TMC1: variants seen among roughly 807,000 people sequenced by gnomAD.
The protein encoded by TMC1 is transmembrane channel like 1, also known as transmembrane channel-like protein 1.
A neutral mutation model predicts 105.8 loss-of-function variants in TMC1; 84 were observed. The observed-to-expected ratio is 0.79, with a 90% CI of 0.67 to 0.95. The LOEUF is 0.95. TMC1 is among the 40% of genes least tolerant of loss of function. TMC1 has a pLI of 0.00. For synonymous variants in TMC1, 315 were observed against 311.5 expected, an observed-to-expected ratio of 1.01 and a Z score of -0.12; for missense variants, 817 against 914.1, an observed-to-expected ratio of 0.89 and a Z score of 1.37.
chr9:72,544,661 G>T (rs1240044759), intron 1 of TMC1, among the ~76,000 whole-genome samples: 1 of 151,426 alleles, frequency 6.6e-6, no homozygotes, highest in Non-Finnish European at 1.5e-5. Context: ...TGTATTTTTA[G>T]TAGAAATGGG....
chr9:72,788,342 G>T lies in TMC1; in HGVS notation c.888G>T (p.Met296Ile). The T allele has an allele frequency of 6.2e-7, 1 of 1,613,898 alleles. No homozygotes were observed. Among genetic ancestry groups the T allele is most frequent in the South Asian group, 1.1e-5 (1 of 91,028 alleles). Reference sequence around the variant, plus strand: ...GTTAAACTTCCTGTTTTTGCAGAATGACCAAAAACATTGGTGATGATGGAG... The same window carrying T: ...GTTAAACTTCCTGTTTTTGCAGAATTACCAAAAACATTGGTGATGATGGAG... Reference protein sequence around the residue: ...GYSFLVVLKAMTKNIGDDGGG... With the variant: ...GYSFLVVLKAITKNIGDDGGG... The change falls in exon 14 of 24, where the codon ATG becomes ATT. Residue 296 changes from methionine (M) to isoleucine (I), a missense_variant. Coordinates refer to ENST00000297784, the MANE Select transcript of TMC1 (RefSeq NM_138691.3).
chr9:72,721,115 C>G (rs934312466), intron 8 of TMC1, among the ~76,000 whole-genome samples: 1 of 152,132 alleles, frequency 6.6e-6, no homozygotes, highest in Non-Finnish European at 1.5e-5. Context: ...GCCTCATTGA[C>G]GTAAATATTT....
chr9:72,739,141 G>A (rs540445332), intron 8 of TMC1, among the ~76,000 whole-genome samples: 1 of 152,340 alleles, frequency 6.6e-6, no homozygotes, highest in South Asian at 2.1e-4. Flanking sequence ...CGAAGTGCCA[G>A]CATGGTCGGG....
intron 4 of TMC1, among the ~76,000 whole-genome samples, chr9:72,642,785 C>T (rs916482537): frequency 6.6e-6 from 1 of 152,004 alleles, no homozygotes; most frequent in African/African-American, 2.4e-5. Context: ...ATAAATAAAC[C>T]CTTTAAGTTC....
intron 1 of TMC1, among the ~76,000 whole-genome samples, chr9:72,557,674 G>A (rs1306444706): frequency 6.6e-6 from 1 of 152,140 alleles, no homozygotes; most frequent in East Asian, 1.9e-4. Flanking sequence ...TGTGTGTCAG[G>A]GACAGCAGTG....
intron 2 of TMC1, among the ~76,000 whole-genome samples, chr9:72,589,715 T>A (rs1824604871): frequency 6.6e-6 from 1 of 152,218 alleles, no homozygotes; most frequent in South Asian, 2.1e-4. Flanking sequence ...AGGTGTGTTC[T>A]TGTCTTTCTT....
At chr9:72,695,711 A>T (rs1826538975) in intron 7 of TMC1, among the ~76,000 whole-genome samples, 1 of 152,148 alleles carries the variant, frequency 6.6e-6, no homozygotes, top group South Asian at 2.1e-4. Flanking sequence ...CTGAATGAAA[A>T]ATTTGTCAAG....
At chr9:72,561,816 G>A (rs1824055603) in intron 1 of TMC1, among the ~76,000 whole-genome samples, 2 of 152,122 alleles carry the variant, frequency 1.3e-5, no homozygotes, top group South Asian at 2.1e-4. Flanking sequence ...CTGAAAATTT[G>A]GGTCACAGAG....
rs529201360 is a variant in TMC1, at chr9:72,748,718, CTTTT to C, written c.536-3129_536-3126del. 1.6e-3 allele frequency among the ~76,000 whole-genome samples: 249 copies of C among 152,102 alleles called. 2 individuals carry two copies. Among genetic ancestry groups the C allele is most frequent in the African/African-American group, 5.6e-3 (232 of 41,512 alleles). On this transcript the variant is annotated intron_variant, in intron 10 of 23. Coordinates refer to ENST00000297784, the MANE Select transcript of TMC1 (RefSeq NM_138691.3). ...AAGGGATAAAGAGGGAAGATTTCTT[CTTTT>C]TTGTTTTTGTGTTGAGACAGGAAAA...
intron 17 of TMC1, among the ~76,000 whole-genome samples, chr9:72,797,733 G>C (rs551128392): frequency 6.6e-6 from 1 of 152,082 alleles, no homozygotes; most frequent in East Asian, 1.9e-4. Context: ...TGGATTAAAG[G>C]CTTAAATGTA....
At position 72,792,288 on chromosome 9, in the gene TMC1, C is replaced by T. The variant is rs771313896; in HGVS notation, c.1502C>T (p.Pro501Leu). 6.2e-7 allele frequency: 1 copy of T among 1,614,044 alleles called. No homozygotes were observed. Among genetic ancestry groups the T allele is most frequent in the Non-Finnish European group, 8.5e-7 (1 of 1,179,998 alleles). ...TCATTCTCTGAAAATAGCACTGGAC[C>T]ACCCTTTTTTGTTCACCCTGCAGAT... The part of the protein sequence containing the change: ...NASFSENSTG[P>L]PFFVHPADVP... Residue 501 changes from proline (P) to leucine (L), a missense_variant, in exon 17 of 24, where the codon CCA becomes CTA. Physicochemically the swap from Pro to Leu is moderately conservative, Grantham distance 98. Coordinates refer to ENST00000297784, the MANE Select transcript of TMC1 (RefSeq NM_138691.3).
intron 2 of TMC1, among the ~76,000 whole-genome samples, chr9:72,605,434 A>AC (rs1290547711): frequency 6.6e-6 from 1 of 152,072 alleles, no homozygotes; most frequent in Non-Finnish European, 1.5e-5. Flanking sequence ...GAAGTCCAAG[A>AC]CCAAGGTTTC....
At chr9:72,759,563 C>T (rs1457591320) in intron 12 of TMC1, among the ~76,000 whole-genome samples, 3 of 152,180 alleles carry the variant, frequency 2.0e-5, no homozygotes, top group Non-Finnish European at 2.9e-5. Flanking sequence ...CTCCAAGTTC[C>T]GTGGATGGCA....
At position 72,792,209 on chromosome 9, in the gene TMC1, G is replaced by A; in HGVS notation, c.1423G>A (p.Val475Ile). 4 of 1,614,130 alleles carry A rather than the reference G, an allele frequency of 2.5e-6. No individual in the cohort carries two copies. The highest frequency in any genetic ancestry group is 3.4e-6 in the Non-Finnish European group (4 of 1,179,996). ...TTTCTAGATTGAAGAGGAGAAGCTA[G>A]TAAAGGCCAATATTACCCTTTGGGA... ...INNKIEEEKL[V>I]KANITLWEAN... The change falls in exon 17 of 24, where the codon GTA becomes ATA. Residue 475 changes from valine to isoleucine, a missense_variant. Physicochemically the swap from Val to Ile is conservative, Grantham distance 29. Transcript: ENST00000297784.
intron 8 of TMC1, among the ~76,000 whole-genome samples, chr9:72,716,113 A>G (rs1010233327): frequency 1.3e-5 from 2 of 152,198 alleles, no homozygotes; most frequent in African/African-American, 4.8e-5. Flanking sequence ...AAAGATTGCT[A>G]CCTGTTCCTT....
At chr9:72,820,345 C>T (rs924250415) in intron 19 of TMC1, among the ~76,000 whole-genome samples, 1 of 152,156 alleles carries the variant, frequency 6.6e-6, no homozygotes, top group African/African-American at 2.4e-5. Context: ...GCAACCTTGA[C>T]CTCCTGTCAT....
chr9:72,829,481 C>A lies in TMC1; in HGVS notation c.2130-970C>A, dbSNP rs142902002. On this transcript the variant is annotated intron_variant, in intron 21 of 23. Transcript: ENST00000297784. ...AATCCAGGAACTTTTCTAAGAAAAT[C>A]CTTATAATACACACCACACACAAAC... is the stretch of plus-strand genomic sequence containing the variant. Among the ~76,000 whole-genome samples, 622 of 152,182 alleles carry A rather than the reference C, an allele frequency of 4.1e-3. 4 individuals carry two copies. Among genetic ancestry groups the A allele is most frequent in the African/African-American group, 0.014 (587 of 41,514 alleles).
At chr9:72,545,167 T>C (rs955189689) in intron 1 of TMC1, among the ~76,000 whole-genome samples, 22 of 151,128 alleles carry the variant, frequency 1.5e-4, no homozygotes, top group African/African-American at 3.4e-4. Flanking sequence ...CACACATATA[T>C]ACACACACAC....
At chr9:72,641,706 C>T (rs574263652) in intron 4 of TMC1, among the ~76,000 whole-genome samples, 39 of 151,058 alleles carry the variant, frequency 2.6e-4, no homozygotes, top group African/African-American at 8.7e-4. Flanking sequence ...TGATCTCCTT[C>T]GTTTTCTTTC....
Sources: gnomAD v4.1 joint callset for allele counts (sites outside exome capture counted in the v4.1 genomes callset) on GRCh38, gnomAD v4.1.1 for gene constraint, MANE v1.5 for transcripts, NCBI Gene and HGNC (gene_info 2026-07-23, HGNC 2026-07-21) for gene names.